MYH14: variants seen among roughly 807,000 people sequenced by gnomAD.
MYH14 encodes the protein myosin heavy chain 14.
A neutral mutation model predicts 255.5 loss-of-function variants in MYH14; 123 were observed. The observed-to-expected ratio is 0.48, with a 90% CI of 0.42 to 0.56. The LOEUF (loss-of-function observed/expected upper bound fraction) is 0.56. Among genes scored for constraint, MYH14 ranks in the 20% least tolerant of loss-of-function variants. The probability of loss-of-function intolerance (pLI) is 0.00; values close to 1 mark genes in which losing one functional copy is unlikely to be tolerated. For synonymous variants in MYH14, 1,095 were observed against 1,161.2 expected (o/e 0.94, Z 1.16); for missense variants, 2,423 against 2,802.3 (o/e 0.86, Z 3.06).
At chr19:50,217,560 G>T in intron 2 of MYH14, 55 bp from the exon 3 acceptor site, 1 of 1,610,542 alleles carries the variant, frequency 6.2e-7, no homozygotes, top group South Asian at 1.1e-5. Flanking sequence ...GCCCCATGAC[G>T]CCTTTCAGGC....
Position 50,266,747 on chromosome 19 carries a change from TTG to T in MYH14, c.2695-129_2695-128del. 1 of 1,215,358 alleles carries T rather than the reference TTG, an allele frequency of 8.2e-7. No individual in the cohort carries two copies. Among genetic ancestry groups the T allele is most frequent in the Non-Finnish European group, 1.2e-6 (1 of 860,702 alleles). 75.3% of individuals were successfully genotyped at this position (1,215,358 alleles called of 1,614,324 possible). On this transcript the variant is annotated intron_variant, in intron 22 of 42. Transcript: ENST00000642316. The surrounding 1 kb of genome is among the most constrained non-coding windows in gnomAD (Gnocchi z 4.1). ...GTTCTAGGCCTGTGACCAGGGACTG[TTG>T]CCAAGGCGGGGACACACAGCTAATA...
intron 40 of MYH14, among the ~76,000 whole-genome samples, chr19:50,303,327 T>G (rs947412632): frequency 3.9e-5 from 6 of 152,174 alleles, no homozygotes; most frequent in African/African-American, 1.4e-4. Context: ...CTAGGACAAC[T>G]AAGCTAACTT....
At chr19:50,270,915 C>T (rs769072538) in intron 24 of MYH14, among the ~76,000 whole-genome samples, 21 of 152,096 alleles carry the variant, frequency 1.4e-4, no homozygotes, top group East Asian at 3.9e-4. Flanking sequence ...AGGATGGTCT[C>T]GATCTGCTGA....
chr19:50,271,783 G>C, intron 25 of MYH14, 66 bp from the exon 26 acceptor site: 1 of 1,599,694 alleles, frequency 6.3e-7, no homozygotes, highest in South Asian at 1.1e-5. Flanking sequence ...AGAAGCTGCA[G>C]ATCAGGTAAG....
At chr19:50,238,212 G>A (rs1332573804) in intron 10 of MYH14, among the ~76,000 whole-genome samples, 5 of 152,182 alleles carry the variant, frequency 3.3e-5, no homozygotes, top group African/African-American at 9.7e-5. Context: ...AGTGATGGGC[G>A]AGTCTGATGT....
intron 27 of MYH14, among the ~76,000 whole-genome samples, chr19:50,274,444 AC>A (rs1214386733): frequency 1.3e-5 from 2 of 152,012 alleles, no homozygotes; most frequent in Non-Finnish European, 2.9e-5. Context: ...ACAGGTGCCC[AC>A]CACCACACCC....
intron 3 of MYH14, among the ~76,000 whole-genome samples, chr19:50,219,971 C>T (rs1007764080): frequency 1.3e-5 from 2 of 151,992 alleles, no homozygotes; most frequent in Non-Finnish European, 2.9e-5. Context: ...GAGGCCAAGG[C>T]AGGAGAATTG....
chr19:50,260,793 A>C, intron 20 of MYH14, 78 bp downstream of exon 20: 1 of 1,123,776 alleles, frequency 8.9e-7, no homozygotes, highest in Admixed American at 1.9e-5. Flanking sequence ...GTGTGTGTGC[A>C]TGCATATGTG....
At chr19:50,281,932 C>G (rs2035740224) in intron 33 of MYH14, 90 bp downstream of exon 33, 1 of 1,403,678 alleles carries the variant, frequency 7.1e-7, no homozygotes, top group Admixed American at 2.0e-5. Context: ...TCCGTGCTGT[C>G]ACGGCTCAAC....
rs765169692 is a variant in MYH14 at position 50,210,416 on chromosome 19, G to C, written c.51G>C (p.Pro17=). The C allele has an allele frequency of 6.4e-7, 1 of 1,567,868 alleles. No homozygotes were observed. The highest frequency in any genetic ancestry group is 1.2e-5 in the South Asian group (1 of 85,630). The change falls in exon 2 of 43, where the codon CCG becomes CCC. Residue 17 remains proline, a synonymous_variant. Transcript: ENST00000642316. ...CCGGGCGGAAGGCGCCCCCCAGGCCGGGCCCAGTGCCCGAGGCGGCCCAGC... is the reference window on the plus strand; with the variant it reads ...CCGGGCGGAAGGCGCCCCCCAGGCCCGGCCCAGTGCCCGAGGCGGCCCAGC... The part of the protein sequence containing the change: ...SVPGRKAPPR[P]GPVPEAAQPF...
intron 8 of MYH14, 105 bp downstream of exon 8, chr19:50,227,071 T>C (rs1236031350): frequency 2.6e-6 from 2 of 757,734 alleles, no homozygotes; most frequent in African/African-American, 3.6e-5. Context: ...TACCTGCTAC[T>C]CAGATGGGAC....
At position 50,252,665 on chromosome 19, in the gene MYH14, G is replaced by A; in HGVS notation, c.1857G>A (p.Leu619=). 1 of 1,599,058 alleles carries A rather than the reference G, an allele frequency of 6.3e-7. No homozygotes were observed. Reference sequence around the variant, plus strand: ...TCGACTACAAGGCCAACGAGTGGCTGATGAAAAACATGGACCCTCTGAATG... The same window carrying A: ...TCGACTACAAGGCCAACGAGTGGCTAATGAAAAACATGGACCCTCTGAATG... ...GKVDYKANEW[L]MKNMDPLNDN... The change falls in exon 16 of 43, where the codon CTG becomes CTA. Residue 619 remains leucine (L), a synonymous_variant. Coordinates refer to ENST00000642316, the MANE Select transcript of MYH14 (RefSeq NM_001145809.2). This position sits in a 1 kb window ranked among gnomAD's most constrained non-coding sequence, Gnocchi z 4.2.
intron 1 of MYH14, among the ~76,000 whole-genome samples, chr19:50,207,246 A>C (rs2031819513): frequency 7.1e-6 from 1 of 140,610 alleles, no homozygotes; most frequent in Non-Finnish European, 1.5e-5. Context: ...AAAGAGAGAG[A>C]GAGAGAGAGA....
chr19:50,210,318 G>A (rs1169278867), intron 1 of MYH14, 45 bp from the exon 2 acceptor site: 2 of 1,512,522 alleles, frequency 1.3e-6, no homozygotes, highest in African/African-American at 1.4e-5. Context: ...AGGCCCGGGG[G>A]ACGGAGCCCC....
rs768220648 is a variant in MYH14, at chr19:50,276,695, C to T, written c.3681-62C>T. ...ATGAAAAGGAGAAACAACCAGCTCC[C>T]CCAAAGCCCCTGCCTTCCTCTGCTC... On this transcript the variant is annotated intron_variant, in intron 28 of 42. Transcript: ENST00000642316. The surrounding 1 kb of genome is among the most constrained non-coding windows in gnomAD (Gnocchi z 4.3). 1 of 1,609,230 alleles carries T rather than the reference C, an allele frequency of 6.2e-7. No homozygotes were observed. Among genetic ancestry groups the T allele is most frequent in the African/African-American group, 1.3e-5 (1 of 74,748 alleles).
Position 50,256,321 on chromosome 19 carries a change from G to A in MYH14, c.2045-978G>A, listed in dbSNP as rs1245365303. Among the ~76,000 whole-genome samples, 3 of 152,196 alleles carry A rather than the reference G, an allele frequency of 2.0e-5. No individual in the cohort carries two copies. In the East Asian group the frequency reaches 5.8e-4, roughly 29 times the overall value. ...GAATTCGAGACAGTGCCAATAGAAG[G>A]AATGGATATTTTTCACTACCCAAAG... On this transcript the variant is annotated intron_variant, in intron 17 of 42. Coordinates refer to ENST00000642316, the MANE Select transcript of MYH14 (RefSeq NM_001145809.2).
chr19:50,284,129 G>A (rs1304207705), intron 33 of MYH14, among the ~76,000 whole-genome samples: 1 of 151,876 alleles, frequency 6.6e-6, no homozygotes, highest in African/African-American at 2.4e-5. Context: ...AGTTATTTAT[G>A]TATTCTAAAT....
chr19:50,218,232 G>A lies in MYH14; in HGVS notation c.562+461G>A, dbSNP rs1292890720. The stretch of plus-strand genomic sequence containing the variant: ...TGACCTCAAGTGATCTGCCCACCTC[G>A]GCCTTCCAAAGTTCTGGGATTACAG... On this transcript the variant is annotated intron_variant, in intron 3 of 42. Coordinates refer to ENST00000642316, the MANE Select transcript of MYH14 (RefSeq NM_001145809.2). 2.6e-5 allele frequency among the ~76,000 whole-genome samples: 4 copies of A among 152,094 alleles called. No homozygotes were observed. The East Asian group carries it at 5.9e-4, about 22-fold the overall frequency.
intron 36 of MYH14, 84 bp downstream of exon 36, chr19:50,291,132 G>C: frequency 7.2e-7 from 1 of 1,383,922 alleles, no homozygotes; most frequent in Non-Finnish European, 9.8e-7. Flanking sequence ...AGGCTAGCTC[G>C]GACCCCTCGC....
Sources: gnomAD v4.1 joint callset for allele counts (sites outside exome capture counted in the v4.1 genomes callset) on GRCh38, gnomAD v4.1.1 for gene constraint, Gnocchi (gnomAD v3.1) non-coding constraint, MANE v1.5 for transcripts, NCBI Gene and HGNC (gene_info 2026-07-23, HGNC 2026-07-21) for gene names.